PTPRK: variants seen among roughly 807,000 people sequenced by gnomAD.
The protein encoded by PTPRK is receptor-type tyrosine-protein phosphatase kappa.
PTPRK carries 75 observed loss-of-function variants against 178.0 expected under a neutral mutation model. The observed-to-expected ratio is 0.42, with a 90% confidence interval of 0.35 to 0.51. The LOEUF (loss-of-function observed/expected upper bound fraction) is 0.51, where lower values mean the gene tolerates loss of function less well. Ranked by LOEUF, PTPRK falls within the 20% of genes least tolerant of loss-of-function variation. The pLI is 0.02. For missense variants in PTPRK, 1,441 were observed against 1,797.8 expected (o/e 0.80, Z 3.59); for synonymous variants, 637 against 620.6 (o/e 1.03, Z -0.39).
chr6:128,010,233 A>C (rs898950402), intron 13 of PTPRK, among the ~76,000 whole-genome samples: 1 of 151,240 alleles, frequency 6.6e-6, no homozygotes, highest in Non-Finnish European at 1.5e-5. Flanking sequence ...CATGGCTCCT[A>C]CTGCTAAAAA....
chr6:128,488,601 G>T (rs1236207523), intron 1 of PTPRK, among the ~76,000 whole-genome samples: 2 of 152,136 alleles, frequency 1.3e-5, no homozygotes, highest in African/African-American at 4.8e-5. Context: ...TTTGAAATAA[G>T]GGTTCCACCT....
chr6:127,975,872 C>A (rs1426382052), intron 27 of PTPRK, among the ~76,000 whole-genome samples: 3 of 144,702 alleles, frequency 2.1e-5, no homozygotes, highest in African/African-American at 5.4e-5. Flanking sequence ...GGGGTTTCAC[C>A]ACGTTGCCAG....
chr6:128,020,471 C>T (rs1471319514), intron 13 of PTPRK, among the ~76,000 whole-genome samples: 2 of 152,202 alleles, frequency 1.3e-5, no homozygotes, highest in Middle Eastern at 3.4e-3. Context: ...CCACAAACTA[C>T]AGGACCAGAA....
chr6:128,471,604 T>TAAAAAAAAAAAAAAAAAAAAAAACAA (rs34372021), intron 1 of PTPRK, among the ~76,000 whole-genome samples: 2 of 63,594 alleles, frequency 3.1e-5, no homozygotes, highest in Non-Finnish European at 6.5e-5. Context: ...CAAAACAACC[T>TAAAAAAAAAAAAAAAAAAAAAAACAA]AAAAAAAAAA....
chr6:128,509,024 C>T (rs1256188939), intron 1 of PTPRK, among the ~76,000 whole-genome samples: 1 of 152,134 alleles, frequency 6.6e-6, no homozygotes, highest in Non-Finnish European at 1.5e-5. Context: ...ACACACCCTT[C>T]TGAGTGGCGT....
chr6:128,323,256 G>C (rs574380669), intron 2 of PTPRK, among the ~76,000 whole-genome samples: 126 of 152,126 alleles, frequency 8.3e-4, no homozygotes, highest in Middle Eastern at 3.4e-3. Context: ...GCTGCTTTTA[G>C]TCCCAGAAAA....
At chr6:128,505,312 A>G (rs1856166550) in intron 1 of PTPRK, among the ~76,000 whole-genome samples, 1 of 151,188 alleles carries the variant, frequency 6.6e-6, no homozygotes, top group East Asian at 2.0e-4. Context: ...GTGGTGGCAC[A>G]TGCCTGCTAT....
chr6:128,392,233 A>G (rs1438463605), intron 2 of PTPRK, among the ~76,000 whole-genome samples: 5 of 152,150 alleles, frequency 3.3e-5, no homozygotes, highest in Non-Finnish European at 7.4e-5. Flanking sequence ...TCCTTACTTC[A>G]ATCTTCAGAG....
At chr6:128,501,069 G>T (rs1389551467) in intron 1 of PTPRK, 1 of 152,182 alleles carries the variant, frequency 6.6e-6, no homozygotes, top group Non-Finnish European at 1.5e-5. Context: ...ATAGAGACAG[G>T]GTTTCACCAC....
At chr6:128,083,881 TA>T (rs1785267836) in intron 8 of PTPRK, 57 bp from the exon 9 acceptor site, 2 of 883,652 alleles carry the variant, frequency 2.3e-6, no homozygotes, top group East Asian at 5.5e-5. Context: ...ACAGAAAAAG[TA>T]AATCAGATAA....
At chr6:128,113,587 G>A (rs970287093) in intron 7 of PTPRK, among the ~76,000 whole-genome samples, 1 of 151,900 alleles carries the variant, frequency 6.6e-6, no homozygotes, top group Admixed American at 6.6e-5. Flanking sequence ...AAGTATATAG[G>A]AGGATATGCT....
intron 15 of PTPRK, chr6:128,000,351 AG>A (rs748358271): frequency 1.2e-5 from 15 of 1,258,172 alleles, no homozygotes; most frequent in Non-Finnish European, 3.1e-6. Context: ...GAAAAAAAAA[AG>A]AACCCTACAA....
At chr6:128,130,248 A>G (rs924780361) in intron 7 of PTPRK, among the ~76,000 whole-genome samples, 1 of 152,168 alleles carries the variant, frequency 6.6e-6, no homozygotes, top group Non-Finnish European at 1.5e-5. Flanking sequence ...TAGAATATCA[A>G]ATCTATTTCT....
chr6:128,057,089 A>C (rs1323027729), intron 13 of PTPRK, among the ~76,000 whole-genome samples: 1 of 152,192 alleles, frequency 6.6e-6, no homozygotes, highest in East Asian at 1.9e-4. Context: ...TATCTAAAGG[A>C]AGTCCTTAAA....
intron 2 of PTPRK, among the ~76,000 whole-genome samples, chr6:128,375,426 C>G (rs1396790213): frequency 6.6e-6 from 1 of 151,848 alleles, no homozygotes; most frequent in Non-Finnish European, 1.5e-5. Context: ...AACATCAGAT[C>G]TCATGAGACC....
At chr6:128,311,180 A>G (rs963185576) in intron 3 of PTPRK, among the ~76,000 whole-genome samples, 1 of 152,198 alleles carries the variant, frequency 6.6e-6, no homozygotes, top group Admixed American at 6.6e-5. Context: ...CTAAGTAACA[A>G]AAATATGCCT....
intron 1 of PTPRK, among the ~76,000 whole-genome samples, chr6:128,448,854 GTTTGTT>G (rs908637243): frequency 3.3e-5 from 5 of 149,778 alleles, no homozygotes; most frequent in Admixed American, 1.3e-4. Flanking sequence ...TTGTTTGTCT[GTTTGTT>G]TTTGTTTTTG....
intron 2 of PTPRK, among the ~76,000 whole-genome samples, chr6:128,347,020 C>T (rs1832519015): frequency 6.6e-6 from 1 of 152,092 alleles, no homozygotes; most frequent in Admixed American, 6.6e-5. Flanking sequence ...ATGGAATCTG[C>T]ATTGTATTGA....
intron 5 of PTPRK, among the ~76,000 whole-genome samples, chr6:128,230,534 T>C (rs575031333): frequency 3.7e-4 from 57 of 152,302 alleles, no homozygotes; most frequent in Admixed American, 1.3e-3. Flanking sequence ...TTACCCGATA[T>C]TGAGTCACAA....
Sources: gnomAD v4.1 joint callset for allele counts (sites outside exome capture counted in the v4.1 genomes callset) on GRCh38, gnomAD v4.1.1 for gene constraint, MANE v1.5 for transcripts, NCBI Gene and HGNC (gene_info 2026-07-23, HGNC 2026-07-21) for gene names.